Variants in INTS4 observed in about 807,000 individuals in gnomAD.
INTS4 encodes the protein MSTP093.
A neutral mutation model predicts 119.5 loss-of-function variants in INTS4; 70 were observed. That is an observed-to-expected ratio of 0.59 (90% CI 0.48 to 0.71). The LOEUF (loss-of-function observed/expected upper bound fraction) is 0.71, where lower values mean the gene tolerates loss of function less well. Ranked by LOEUF, INTS4 falls within the 30% of genes least tolerant of loss-of-function variation. The pLI is 0.00. For missense variants in INTS4, 867 were observed against 1,173.2 expected, an observed-to-expected ratio of 0.74 and a Z score of 3.81; for synonymous variants, 316 against 419.6, an observed-to-expected ratio of 0.75 and a Z score of 3.02.
rs535166389 is a variant in INTS4 at position 77,962,267 on chromosome 11, A to G, written c.472-1129T>C. On this transcript the variant is annotated intron_variant, in intron 4 of 22. Coordinates refer to ENST00000534064, the MANE Select transcript of INTS4 (RefSeq NM_033547.4). ...CACTGCACTCCAACCTGGATGACAGAGTGAGATACTGCCTCCAAAAAAGAA... is the reference window on the plus strand; with the variant it reads ...CACTGCACTCCAACCTGGATGACAGGGTGAGATACTGCCTCCAAAAAAGAA... 5.6e-4 allele frequency among the ~76,000 whole-genome samples: 81 copies of G among 145,374 alleles called. 1 individual carries two copies. The highest frequency in any genetic ancestry group is 4.8e-3 in the Admixed American group (73 of 15,096).
intron 15 of INTS4, among the ~76,000 whole-genome samples, chr11:77,917,710 T>C (rs2136471462): frequency 6.6e-6 from 1 of 151,582 alleles, no homozygotes; most frequent in East Asian, 2.0e-4. Flanking sequence ...TATAATTTTT[T>C]AATCTTTTAA....
At chr11:77,915,494 A>T (rs1460279765) in intron 15 of INTS4, among the ~76,000 whole-genome samples, 2 of 152,090 alleles carry the variant, frequency 1.3e-5, no homozygotes, top group African/African-American at 4.8e-5. Flanking sequence ...CTGCAGCTGC[A>T]CCCACCTACC....
intron 2 of INTS4, 88 bp from the exon 3 acceptor site, chr11:77,981,664 G>A: frequency 1.8e-6 from 1 of 555,260 alleles, no homozygotes; most frequent in Non-Finnish European, 3.1e-6. Flanking sequence ...TCCCAAAAGA[G>A]ATTCAATGAT....
At chr11:77,899,262 C>A (rs764233549) in intron 18 of INTS4, among the ~76,000 whole-genome samples, 5 of 146,702 alleles carry the variant, frequency 3.4e-5, no homozygotes, top group Non-Finnish European at 6.0e-5. Flanking sequence ...TCTACTGCCT[C>A]TCACTTGAAG....
chr11:77,971,266 A>C (rs572920414), intron 4 of INTS4, among the ~76,000 whole-genome samples: 12 of 151,638 alleles, frequency 7.9e-5, no homozygotes, highest in Non-Finnish European at 1.6e-4. Context: ...CTTTTTTTTT[A>C]ATTTGCCACT....
At chr11:77,891,106 G>T (rs1367744786) in intron 21 of INTS4, among the ~76,000 whole-genome samples, 1 of 152,138 alleles carries the variant, frequency 6.6e-6, no homozygotes, top group Non-Finnish European at 1.5e-5. Flanking sequence ...CTATTTGTCA[G>T]TTGTAGAATC....
intron 4 of INTS4, among the ~76,000 whole-genome samples, chr11:77,975,793 T>TA: frequency 6.6e-6 from 1 of 151,966 alleles, no homozygotes; most frequent in South Asian, 2.1e-4. Context: ...CCGTCTCTAC[T>TA]AAAAATACAA....
At chr11:77,931,795 A>C (rs1953656590) in intron 10 of INTS4, among the ~76,000 whole-genome samples, 2 of 152,312 alleles carry the variant, frequency 1.3e-5, no homozygotes, top group Non-Finnish European at 1.5e-5. Context: ...ACACATCTAC[A>C]ACCATCTGAT....
chr11:77,983,782 T>C (rs1856338383), intron 2 of INTS4, among the ~76,000 whole-genome samples: 1 of 152,206 alleles, frequency 6.6e-6, no homozygotes, highest in Non-Finnish European at 1.5e-5. Context: ...AAATCGCTTC[T>C]GGGCCTTTTG....
chr11:77,903,484 G>C (rs1952841636), intron 17 of INTS4, 56 bp downstream of exon 17: 1 of 1,605,382 alleles, frequency 6.2e-7, no homozygotes, highest in Admixed American at 1.7e-5. Flanking sequence ...CTCTGTCTTG[G>C]ACCAGACAAT....
chr11:77,935,903 A>AAAAAAAAAAGAAAAGAAAGAGAG (rs371708032), intron 10 of INTS4, among the ~76,000 whole-genome samples: 6 of 86,996 alleles, frequency 6.9e-5, no homozygotes, highest in African/African-American at 3.3e-4. Flanking sequence ...CTCAAAAAAA[A>AAAAAAAAAAGAAAAGAAAGAGAG]AAAAAAGAAA....
chr11:77,946,173 A>G (rs1954043262), intron 8 of INTS4, among the ~76,000 whole-genome samples: 1 of 152,240 alleles, frequency 6.6e-6, no homozygotes, highest in Admixed American at 6.5e-5. Flanking sequence ...AAACTCCCAC[A>G]GCCTAGGCAA....
At chr11:77,890,120 G>T (rs1450256364) in intron 21 of INTS4, among the ~76,000 whole-genome samples, 1 of 152,182 alleles carries the variant, frequency 6.6e-6, no homozygotes, top group Non-Finnish European at 1.5e-5. Flanking sequence ...CTAAAGTGCA[G>T]TGAAGGTGGA....
chr11:77,894,481 AC>A, intron 18 of INTS4, 132 bp from the exon 19 acceptor site: 1 of 542,422 alleles, frequency 1.8e-6, no homozygotes, highest in Non-Finnish European at 3.3e-6. Context: ...TCTAAAAGTA[AC>A]AGAAGACTCC....
chr11:77,922,717 T>C (rs1953393343), intron 12 of INTS4: 1 of 491,598 alleles, frequency 2.0e-6, no homozygotes, highest in African/African-American at 2.0e-5. Flanking sequence ...CCCCCATCTT[T>C]CTTCCTGAGA....
chr11:77,897,784 C>G (rs1379382673), intron 18 of INTS4, among the ~76,000 whole-genome samples: 1 of 151,872 alleles, frequency 6.6e-6, no homozygotes, highest in Non-Finnish European at 1.5e-5. Flanking sequence ...GGGTTACAGG[C>G]GTTAGCCACC....
At chr11:77,944,596 T>C (rs942746500) in intron 8 of INTS4, among the ~76,000 whole-genome samples, 2 of 152,216 alleles carry the variant, frequency 1.3e-5, no homozygotes, top group Non-Finnish European at 1.5e-5. Context: ...ATCAACTTCG[T>C]TGAAGACAGA....
At chr11:77,911,273 G>A in intron 15 of INTS4, 1 of 540,162 alleles carries the variant, frequency 1.9e-6, no homozygotes, top group Non-Finnish European at 2.5e-6. Context: ...CCAAAGTGTG[G>A]GAACCCAGCA....
chr11:77,967,743 G>C (rs1309318665), intron 4 of INTS4, among the ~76,000 whole-genome samples: 1 of 151,996 alleles, frequency 6.6e-6, no homozygotes, highest in Non-Finnish European at 1.5e-5. Context: ...GATAAAACCA[G>C]ATTGCAAGAC....
Sources: gnomAD v4.1 joint callset for allele counts (sites outside exome capture counted in the v4.1 genomes callset) on GRCh38, gnomAD v4.1.1 for gene constraint, MANE v1.5 for transcripts, NCBI Gene and HGNC (gene_info 2026-07-23, HGNC 2026-07-21) for gene names.